The following PCDHGA5 variants were observed in gnomAD, a reference collection of about 807,000 sequenced individuals.
PCDHGA5 encodes protocadherin gamma-A5.
Under a neutral mutation model 56.7 loss-of-function variants are expected in PCDHGA5, and 36 were observed. The observed-to-expected ratio is 0.64, with a 90% CI of 0.49 to 0.84. The LOEUF (loss-of-function observed/expected upper bound fraction) is 0.84. PCDHGA5 is among the 40% of genes least tolerant of loss of function. PCDHGA5 has a pLI of 0.00. For synonymous variants in PCDHGA5, 563 were observed against 520.2 expected, an observed-to-expected ratio of 1.08 and a Z score of -1.12; for missense variants, 1,305 against 1,201.5, an observed-to-expected ratio of 1.09 and a Z score of -1.27.
intron 1 of PCDHGA5, among the ~76,000 whole-genome samples, chr5:141,434,742 G>A (rs1177333213): frequency 6.6e-6 from 1 of 151,500 alleles, no homozygotes; most frequent in Non-Finnish European, 1.5e-5. Context: ...TGAAGGCTAT[G>A]AGACCCCTGA....
chr5:141,494,878 T>A lies in PCDHGA5; in HGVS notation c.2480+13T>A. Reference sequence around the variant, plus strand: ...CCGGCACCAGCGGGTAGGTGACTGATTCTCCAGCCCACCCTCTTCTCTGCG... The same window carrying A: ...CCGGCACCAGCGGGTAGGTGACTGAATCTCCAGCCCACCCTCTTCTCTGCG... On this transcript the variant is annotated intron_variant, in intron 2 of 3. Coordinates refer to ENST00000518069, the MANE Select transcript of PCDHGA5 (RefSeq NM_018918.3). The A allele has an allele frequency of 6.2e-7, 1 of 1,614,072 alleles. No homozygotes were observed. The highest frequency in any genetic ancestry group is 8.5e-7 in the Non-Finnish European group (1 of 1,179,986).
At position 141,485,336 on chromosome 5, in the gene PCDHGA5, G is replaced by A. The variant is rs755039880; in HGVS notation, c.2422-9471G>A. Reference sequence around the variant, plus strand: ...GAATGTCGCTCAAGATTTCCTGCTGGATACGGACAGTCTGTCAGCTCGCAG... The same window carrying A: ...GAATGTCGCTCAAGATTTCCTGCTGAATACGGACAGTCTGTCAGCTCGCAG... On this transcript the variant is annotated intron_variant, in intron 1 of 3. Transcript: ENST00000518069. The surrounding 1 kb of genome is among the most constrained non-coding windows in gnomAD (Gnocchi z 5.7). 3 of 1,614,176 alleles carry A rather than the reference G, an allele frequency of 1.9e-6. No homozygotes were observed. In the South Asian group the frequency reaches 3.3e-5, roughly 18 times the overall value.
At chr5:141,403,056 T>A in intron 1 of PCDHGA5, 1 of 1,614,046 alleles carries the variant, frequency 6.2e-7, no homozygotes, top group Non-Finnish European at 8.5e-7. Flanking sequence ...CGCTACTCAG[T>A]GCCTGAAGAG....
At chr5:141,445,490 C>A (rs1181158971) in intron 1 of PCDHGA5, among the ~76,000 whole-genome samples, 1 of 152,134 alleles carries the variant, frequency 6.6e-6, no homozygotes, top group African/African-American at 2.4e-5. Flanking sequence ...AGTTAATGGG[C>A]CCTATTCTAA....
At chr5:141,418,373 C>T (rs936895178) in intron 1 of PCDHGA5, 1 of 1,614,006 alleles carries the variant, frequency 6.2e-7, no homozygotes, top group Non-Finnish European at 8.5e-7. Context: ...CAAATACCAA[C>T]TAAGTCCTAA....
intron 1 of PCDHGA5, among the ~76,000 whole-genome samples, chr5:141,373,339 C>A (rs1769496946): frequency 6.6e-6 from 1 of 152,172 alleles, no homozygotes; most frequent in African/African-American, 2.4e-5. Context: ...TCTAAAATGG[C>A]AACTCTTGTA....
rs747994258 is a variant in PCDHGA5 at position 141,365,910 on chromosome 5, A to G, written c.1580A>G (p.Asp527Gly). ...LRSFDYEQLR[D>G]LQLWVTASDS... ...TCCTTCGACTATGAGCAGTTGAGAGACCTACAGTTGTGGGTGACAGCCAGC... is the reference window on the plus strand; with the variant it reads ...TCCTTCGACTATGAGCAGTTGAGAGGCCTACAGTTGTGGGTGACAGCCAGC... The change falls in exon 1 of 4, where the codon GAC becomes GGC. Residue 527 changes from aspartate to glycine, a missense_variant. Transcript: ENST00000518069. The G allele has an allele frequency of 5.0e-6, 8 of 1,614,146 alleles. No homozygotes were observed. In the South Asian group the frequency reaches 8.8e-5, roughly 18 times the overall value.
At chr5:141,376,180 G>T (rs113596971) in intron 1 of PCDHGA5, 6 of 1,614,100 alleles carry the variant, frequency 3.7e-6, no homozygotes, top group East Asian at 2.2e-5. Context: ...CGGTGGCCGC[G>T]GTCTCCTGCG....
intron 3 of PCDHGA5, among the ~76,000 whole-genome samples, chr5:141,510,657 G>A (rs1388054630): frequency 6.6e-6 from 1 of 152,156 alleles, no homozygotes; most frequent in Non-Finnish European, 1.5e-5. Context: ...CCATTTTGCA[G>A]ATGAGAAAAC....
chr5:141,476,070 C>T lies in PCDHGA5; in HGVS notation c.2422-18737C>T. ...CCCGCTGAAAGTTTCTCAGCGAAAT[C>T]TCAGGGACGATCTGGACCCCGCTGA... is the stretch of plus-strand genomic sequence containing the variant. On this transcript the variant is annotated intron_variant, in intron 1 of 3. Transcript: ENST00000518069. This position sits in a 1 kb window ranked among gnomAD's most constrained non-coding sequence, Gnocchi z 7.6. 6.6e-7 allele frequency: 1 copy of T among 1,522,382 alleles called. No individual in the cohort carries two copies. The highest frequency in any genetic ancestry group is 1.3e-5 in the South Asian group (1 of 77,762). 94.3% of individuals were successfully genotyped at this position (1,522,382 alleles called of 1,614,324 possible). A position where few individuals can be genotyped will look rare whatever the true frequency, so the allele number is the denominator to read the frequency against.
chr5:141,403,204 G>C, intron 1 of PCDHGA5: 3 of 1,613,952 alleles, frequency 1.9e-6, no homozygotes, highest in Non-Finnish European at 2.5e-6. Flanking sequence ...GCGGCACCTT[G>C]GTCACCGCGG....
At chr5:141,504,660 C>T (rs1002186811) in intron 2 of PCDHGA5, among the ~76,000 whole-genome samples, 8 of 101,980 alleles carry the variant, frequency 7.8e-5, no homozygotes, top group Admixed American at 5.7e-4. Flanking sequence ...TGTTTGAGGG[C>T]GGGGGGTGGG....
intron 3 of PCDHGA5, among the ~76,000 whole-genome samples, chr5:141,506,866 T>C (rs1182560001): frequency 2.6e-5 from 4 of 152,104 alleles, no homozygotes; most frequent in Admixed American, 2.6e-4. Context: ...GACTGGTGGG[T>C]AGAGAACCAG....
At chr5:141,418,732 G>A (rs747081573) in intron 1 of PCDHGA5, 1 of 1,613,994 alleles carries the variant, frequency 6.2e-7, no homozygotes, top group Non-Finnish European at 8.5e-7. Flanking sequence ...CTCAGCACGT[G>A]TTCTCTCTGG....
At position 141,364,536 on chromosome 5, in the gene PCDHGA5, G is replaced by A. The variant is rs759992552; in HGVS notation, c.206G>A (p.Arg69Lys). The change falls in exon 1 of 4, where the codon AGA becomes AAA. Residue 69 changes from arginine to lysine, a missense_variant. By Grantham distance (26) the Arg-to-Lys change is conservative. Coordinates refer to ENST00000518069, the MANE Select transcript of PCDHGA5 (RefSeq NM_018918.3). Reference sequence around the variant, plus strand: ...GAGCGCGGAGTCCGCATCGTCTCCAGAGGTAGGACGCAGCTTTTTGCCCTG... The same window carrying A: ...GAGCGCGGAGTCCGCATCGTCTCCAAAGGTAGGACGCAGCTTTTTGCCCTG... ...LAERGVRIVS[R>K]GRTQLFALNP... 1 of 1,614,006 alleles carries A rather than the reference G, an allele frequency of 6.2e-7. No individual in the cohort carries two copies. The highest frequency in any genetic ancestry group is 8.5e-7 in the Non-Finnish European group (1 of 1,179,968).
At chr5:141,371,823 T>A in intron 1 of PCDHGA5, 2 of 1,613,832 alleles carry the variant, frequency 1.2e-6, no homozygotes, top group South Asian at 2.2e-5. Flanking sequence ...TGTCAGAGCC[T>A]CGGATCCCGA....
chr5:141,487,404 C>A lies in PCDHGA5; in HGVS notation c.2422-7403C>A, dbSNP rs771371344. 1.2e-6 allele frequency: 2 copies of A among 1,614,178 alleles called. No homozygotes were observed. Among genetic ancestry groups the A allele is most frequent in the Non-Finnish European group, 1.7e-6 (2 of 1,180,032 alleles). ...AGATCTCGAAGGAGGGAGGGGCTTC[C>A]CCCTTCCAATGGGATCCTCCGAATC... is the stretch of plus-strand genomic sequence containing the variant. On this transcript the variant is annotated intron_variant, in intron 1 of 3. Coordinates refer to ENST00000518069, the MANE Select transcript of PCDHGA5 (RefSeq NM_018918.3). The surrounding 1 kb of genome is among the most constrained non-coding windows in gnomAD (Gnocchi z 5.0).
chr5:141,379,889 C>CTTTTGTTTTTTTTT (rs1775942254), intron 1 of PCDHGA5, among the ~76,000 whole-genome samples: 1 of 50,830 alleles, frequency 2.0e-5, no homozygotes, highest in African/African-American at 6.6e-5. Context: ...GTGAAAGCCT[C>CTTTTGTTTTTTTTT]TTTTTTTTTT....
At chr5:141,503,004 C>T (rs114294610) in intron 2 of PCDHGA5, among the ~76,000 whole-genome samples, 5,013 of 145,894 alleles carry the variant, frequency 0.034, 127 homozygotes, top group South Asian at 0.076. Context: ...CCACCATGCC[C>T]GGTTAATTTT....
Sources: allele counts gnomAD v4.1 joint callset (sites outside exome capture counted in the v4.1 genomes callset), GRCh38; gene constraint gnomAD v4.1.1; non-coding constraint Gnocchi (gnomAD v3.1); transcripts MANE v1.5; gene names NCBI Gene and HGNC (gene_info 2026-07-23, HGNC 2026-07-21).